PTPRQ: variants seen among roughly 807,000 people sequenced by gnomAD.
PTPRQ encodes protein tyrosine phosphatase receptor type Q, also known as phosphatidylinositol phosphatase PTPRQ.
PTPRQ carries 199 observed loss-of-function variants against 246.0 expected under a neutral mutation model. That is an observed-to-expected ratio of 0.81 (90% CI 0.72 to 0.91). The LOEUF (loss-of-function observed/expected upper bound fraction) is 0.91. Among genes scored for constraint, PTPRQ ranks in the 40% least tolerant of loss-of-function variants. The pLI is 0.00. For missense variants in PTPRQ, 2,624 were observed against 2,528.4 expected (o/e 1.04, Z -0.81); for synonymous variants, 869 against 853.2 (o/e 1.02, Z -0.32).
At chr12:80,570,360 G>A (rs540501314) in intron 25 of PTPRQ, among the ~76,000 whole-genome samples, 1 of 152,032 alleles carries the variant, frequency 6.6e-6, no homozygotes, top group Admixed American at 6.5e-5. Flanking sequence ...TCATATTTTT[G>A]TTGGCTCCAT....
chr12:80,607,328 T>C (rs929488810), intron 27 of PTPRQ, among the ~76,000 whole-genome samples: 1 of 150,902 alleles, frequency 6.6e-6, no homozygotes, highest in African/African-American at 2.4e-5. Context: ...AACATAAATA[T>C]AGCCTCACCA....
In PTPRQ at chr12:80,588,245, C is replaced by T. The variant is rs1897681913; in HGVS notation, c.4402C>T (p.Gln1468Ter). The stretch of plus-strand genomic sequence containing the variant: ...CTTTCAAAATTACAAAATTACCACT[C>T]AACTTCGTGCTCAAAAATGCAAAGA... ...GYFQNYKITT[Q>*]LRAQKCKEWE... Residue 1468 changes from glutamine to a stop codon, truncating the protein, a stop_gained, in exon 26 of 45, where the codon CAA becomes TAA. Coordinates refer to ENST00000644991, the MANE Select transcript of PTPRQ (RefSeq NM_001145026.2). LOFTEE classifies it high-confidence loss of function. 2 of 1,551,482 alleles carry T rather than the reference C, an allele frequency of 1.3e-6. No individual in the cohort carries two copies.
chr12:80,511,659 T>A (rs1430222452), intron 17 of PTPRQ, among the ~76,000 whole-genome samples: 1 of 152,164 alleles, frequency 6.6e-6, no homozygotes, highest in Non-Finnish European at 1.5e-5. Flanking sequence ...TGAGCTGTGA[T>A]CCAGTTGACA....
intron 25 of PTPRQ, among the ~76,000 whole-genome samples, chr12:80,564,944 T>C (rs1486201378): frequency 6.6e-6 from 1 of 152,176 alleles, no homozygotes; most frequent in Non-Finnish European, 1.5e-5. Flanking sequence ...GATACATTTA[T>C]AATGTGAGTA....
chr12:80,527,100 A>G (rs1338854468), intron 17 of PTPRQ, among the ~76,000 whole-genome samples: 3 of 152,112 alleles, frequency 2.0e-5, no homozygotes, highest in Non-Finnish European at 2.9e-5. Context: ...AACACATGGC[A>G]AACTTTCAGT....
At chr12:80,641,359 G>C (rs920160360) in intron 35 of PTPRQ, among the ~76,000 whole-genome samples, 1 of 152,136 alleles carries the variant, frequency 6.6e-6, no homozygotes, top group Non-Finnish European at 1.5e-5. Context: ...GAATAAAAAG[G>C]CATTTGATTT....
intron 6 of PTPRQ, among the ~76,000 whole-genome samples, chr12:80,463,547 C>G (rs1208684025): frequency 6.6e-6 from 1 of 151,966 alleles, no homozygotes; most frequent in Non-Finnish European, 1.5e-5. Context: ...AGAAGAGCAA[C>G]TCTAAGACAC....
chr12:80,505,262 T>A (rs969637612), intron 14 of PTPRQ, among the ~76,000 whole-genome samples: 2 of 151,940 alleles, frequency 1.3e-5, no homozygotes, highest in Admixed American at 1.3e-4. Context: ...TACTTGTTTG[T>A]TTTTCTGTGA....
chr12:80,617,024 C>T (rs1038573173), intron 30 of PTPRQ, among the ~76,000 whole-genome samples: 18 of 151,180 alleles, frequency 1.2e-4, no homozygotes, highest in Non-Finnish European at 1.8e-4. Context: ...TGATATGTCT[C>T]TTTCTAAAGC....
In PTPRQ at chr12:80,613,754, A is replaced by G; in HGVS notation, c.5081A>G (p.Asn1694Ser). ...EDDPTAVQIH[N>S]LSIIQKTNTF... The stretch of plus-strand genomic sequence containing the variant: ...GATCCTACTGCTGTCCAGATTCACA[A>G]CCTCAGTATTATACAGAAAACCAAC... Residue 1694 changes from asparagine (N) to serine (S), a missense_variant, in exon 29 of 45, where the codon AAC becomes AGC. Coordinates refer to ENST00000644991, the MANE Select transcript of PTPRQ (RefSeq NM_001145026.2). 1.3e-6 allele frequency: 2 copies of G among 1,545,508 alleles called. No homozygotes were observed. Among genetic ancestry groups the G allele is most frequent in the Middle Eastern group, 3.4e-4 (2 of 5,952 alleles).
Position 80,447,481 on chromosome 12 carries a change from T to C in PTPRQ, c.390+1764T>C, listed in dbSNP as rs1174626618. Among the ~76,000 whole-genome samples the C allele has an allele frequency of 2.6e-5, 4 of 152,092 alleles. No homozygotes were observed. The South Asian group carries it at 8.3e-4, about 31-fold the overall frequency. ...GTCATAAATTATTTGCCTAGTCCAA[T>C]ATCCAGAAGAGTTTTACCTAGTTTT... On this transcript the variant is annotated intron_variant, in intron 3 of 44. Coordinates refer to ENST00000644991, the MANE Select transcript of PTPRQ (RefSeq NM_001145026.2).
chr12:80,500,842 G>A lies in PTPRQ; in HGVS notation c.2272+4311G>A, dbSNP rs562131685. ...TAGACAATCAGAAAATTAGACATTAGAAAATAAATCAGTAAACAAATTTGT... is the reference window on the plus strand; with the variant it reads ...TAGACAATCAGAAAATTAGACATTAAAAAATAAATCAGTAAACAAATTTGT... On this transcript the variant is annotated intron_variant, in intron 14 of 44. Transcript: ENST00000644991. Among the ~76,000 whole-genome samples the A allele has an allele frequency of 3.9e-5, 6 of 152,046 alleles. No homozygotes were observed. In the East Asian group the frequency reaches 1.2e-3, roughly 29 times the overall value.
intron 41 of PTPRQ, 35 bp downstream of exon 41, chr12:80,669,499 A>T (rs527775178): frequency 6.6e-7 from 1 of 1,523,190 alleles, no homozygotes; most frequent in East Asian, 2.5e-5. Context: ...AGAACATGAT[A>T]TAAAATATGA....
chr12:80,534,581 T>C (rs1474547310), intron 18 of PTPRQ, among the ~76,000 whole-genome samples: 1 of 152,036 alleles, frequency 6.6e-6, no homozygotes, highest in African/African-American at 2.4e-5. Context: ...GAATTTCAAA[T>C]TATGTATTTT....
intron 29 of PTPRQ, among the ~76,000 whole-genome samples, chr12:80,614,310 G>A (rs914674252): frequency 1.0e-4 from 15 of 150,676 alleles, no homozygotes; most frequent in African/African-American, 3.1e-4. Flanking sequence ...CCTATATTTG[G>A]ACAGAAATGT....
In PTPRQ at chr12:80,506,213, G is replaced by T. The variant is rs1477919867; in HGVS notation, c.2455+7G>T. 5.5e-6 allele frequency: 8 copies of T among 1,461,458 alleles called. No individual in the cohort carries two copies. The African/African-American group carries it at 8.7e-5, about 16-fold the overall frequency. 90.5% of individuals were successfully genotyped at this position (1,461,458 alleles called of 1,614,324 possible). ...TTAACCCAAAACATTAAAGGTAAAA[G>T]AACAAATCTAATATTGGATATTTGC... On this transcript the variant is annotated splice_region_variant and intron_variant, in intron 15 of 44. Coordinates refer to ENST00000644991, the MANE Select transcript of PTPRQ (RefSeq NM_001145026.2).
At chr12:80,482,273 GA>G (rs1308113720) in intron 8 of PTPRQ, among the ~76,000 whole-genome samples, 5 of 151,046 alleles carry the variant, frequency 3.3e-5, no homozygotes, top group Admixed American at 6.6e-5. Flanking sequence ...AAGCAATGGG[GA>G]AAGGATTCCT....
At position 80,541,782 on chromosome 12, in the gene PTPRQ, T is replaced by C. The variant is rs1261684488; in HGVS notation, c.3382T>C (p.Ser1128Pro). 2 of 1,550,840 alleles carry C rather than the reference T, an allele frequency of 1.3e-6. No individual in the cohort carries two copies. Among genetic ancestry groups the C allele is most frequent in the African/African-American group, 2.7e-5 (2 of 73,006 alleles). ...TGATTATATATTAAAAATTACTCCATCAACAGAAAAGGGATTCTCTGATAC... is the reference window on the plus strand; with the variant it reads ...TGATTATATATTAAAAATTACTCCACCAACAGAAAAGGGATTCTCTGATAC... ...YTDYILKITP[S>P]TEKGFSDTYT... The change falls in exon 21 of 45, where the codon TCA becomes CCA. Residue 1128 changes from serine to proline, a missense_variant. Physicochemically the swap from Ser to Pro is moderately conservative, Grantham distance 74. Transcript: ENST00000644991.
At chr12:80,564,074 A>AT (rs911093115) in intron 25 of PTPRQ, among the ~76,000 whole-genome samples, 4 of 151,298 alleles carry the variant, frequency 2.6e-5, no homozygotes, top group East Asian at 1.9e-4. Flanking sequence ...GAGAGAGCAG[A>AT]TTTTTTTTCT....
Sources: gnomAD v4.1 joint callset for allele counts (sites outside exome capture counted in the v4.1 genomes callset) on GRCh38, gnomAD v4.1.1 for gene constraint, MANE v1.5 for transcripts, NCBI Gene and HGNC (gene_info 2026-07-23, HGNC 2026-07-21) for gene names.